The following DROSHA variants were observed in gnomAD, a reference collection of about 807,000 sequenced individuals.
DROSHA encodes ribonuclease 3.
A neutral mutation model predicts 181.9 loss-of-function variants in DROSHA; 56 were observed. The ratio of observed to expected loss-of-function variants is 0.31; its 90% CI spans 0.25 to 0.38. The LOEUF is 0.38. DROSHA is among the 10% of genes least tolerant of loss of function. DROSHA has a pLI of 1.00. For synonymous variants in DROSHA, 524 were observed against 591.2 expected (o/e 0.89, Z 1.65); for missense variants, 1,218 against 1,743.5 (o/e 0.70, Z 5.37).
chr5:31,530,419 A>T (rs1001770571), intron 3 of DROSHA, among the ~76,000 whole-genome samples: 7 of 151,792 alleles, frequency 4.6e-5, no homozygotes, highest in Admixed American at 1.3e-4. Context: ...GGCTCTATTG[A>T]CTCTGGACCC....
intron 27 of DROSHA, among the ~76,000 whole-genome samples, chr5:31,425,236 T>C (rs1743325881): frequency 1.3e-5 from 2 of 152,146 alleles, no homozygotes; most frequent in African/African-American, 2.4e-5. Flanking sequence ...GGAAGAAGTA[T>C]AGGAAAATTT....
At chr5:31,466,079 T>C (rs947896373) in intron 19 of DROSHA, 103 bp downstream of exon 19, 1 of 1,182,392 alleles carries the variant, frequency 8.5e-7, no homozygotes, top group Middle Eastern at 2.0e-4. Context: ...TTTAAAAAAA[T>C]ATTTTTCCAT....
At chr5:31,522,249 C>T (rs1739975405) in intron 5 of DROSHA, among the ~76,000 whole-genome samples, 1 of 152,076 alleles carries the variant, frequency 6.6e-6, no homozygotes, top group African/African-American at 2.4e-5. Flanking sequence ...ATAAAGCAGC[C>T]AGAGATTTGG....
At chr5:31,431,113 A>T (rs1744122788) in intron 26 of DROSHA, among the ~76,000 whole-genome samples, 1 of 152,190 alleles carries the variant, frequency 6.6e-6, no homozygotes, top group Admixed American at 6.5e-5. Context: ...TAACAGTTAT[A>T]CAGACTCAAA....
At chr5:31,453,621 A>G (rs1214684148) in intron 20 of DROSHA, among the ~76,000 whole-genome samples, 1 of 152,210 alleles carries the variant, frequency 6.6e-6, no homozygotes, top group Non-Finnish European at 1.5e-5. Flanking sequence ...ATCTTGTTTT[A>G]GCTAACCTAC....
chr5:31,448,446 T>C, intron 23 of DROSHA, 101 bp downstream of exon 23: 2 of 1,056,806 alleles, frequency 1.9e-6, no homozygotes, highest in Middle Eastern at 2.8e-4. Context: ...CACAATTTTG[T>C]GAACATACTA....
At chr5:31,523,036 G>A (rs1364126099) in intron 5 of DROSHA, among the ~76,000 whole-genome samples, 2 of 152,078 alleles carry the variant, frequency 1.3e-5, no homozygotes, top group African/African-American at 4.8e-5. Context: ...GCAGGGGAGG[G>A]GCAACAAGAA....
intron 34 of DROSHA, 121 bp downstream of exon 34, chr5:31,406,732 C>T (rs1406799315): frequency 4.5e-6 from 4 of 896,732 alleles, no homozygotes; most frequent in Admixed American, 2.5e-5. Flanking sequence ...TTTGCTACTA[C>T]TCTTGAACAT....
intron 26 of DROSHA, among the ~76,000 whole-genome samples, chr5:31,430,300 C>A (rs2150001287): frequency 6.6e-6 from 1 of 152,284 alleles, no homozygotes; most frequent in East Asian, 1.9e-4. Flanking sequence ...TTGGGAAACA[C>A]TTATGTCCTG....
At chr5:31,515,366 C>T (rs769895805) in intron 7 of DROSHA, 88 bp downstream of exon 7, 30 of 1,052,930 alleles carry the variant, frequency 2.8e-5, no homozygotes, top group Non-Finnish European at 4.0e-5. Context: ...CCAGTGACTC[C>T]CAAATACCAG....
intron 11 of DROSHA, among the ~76,000 whole-genome samples, chr5:31,497,174 T>C (rs1753086912): frequency 6.6e-6 from 1 of 152,018 alleles, no homozygotes; most frequent in South Asian, 2.1e-4. Context: ...GTAGAGCACA[T>C]CCCTGGAGAA....
At chr5:31,513,314 C>A (rs916393808) in intron 8 of DROSHA, among the ~76,000 whole-genome samples, 3 of 152,200 alleles carry the variant, frequency 2.0e-5, no homozygotes, top group African/African-American at 7.2e-5. Context: ...CTGAGCCACT[C>A]AGTGAACACC....
intron 35 of DROSHA, among the ~76,000 whole-genome samples, chr5:31,404,854 C>T (rs557014093): frequency 6.6e-6 from 1 of 152,050 alleles, no homozygotes; most frequent in South Asian, 2.1e-4. Flanking sequence ...TAAAATATTG[C>T]ACACCTACAG....
chr5:31,506,873 G>C (rs4867347), intron 10 of DROSHA, among the ~76,000 whole-genome samples: 3 of 152,076 alleles, frequency 2.0e-5, no homozygotes, highest in African/African-American at 4.8e-5. Flanking sequence ...CCTTCACAAG[G>C]CTCAACTATA....
intron 18 of DROSHA, among the ~76,000 whole-genome samples, chr5:31,466,715 T>C (rs1206372250): frequency 6.6e-6 from 1 of 152,174 alleles, no homozygotes; most frequent in Non-Finnish European, 1.5e-5. Context: ...TTATACCAAA[T>C]ATAAGTTGAA....
chr5:31,454,113 G>C (rs562198482), intron 20 of DROSHA, among the ~76,000 whole-genome samples: 34 of 152,270 alleles, frequency 2.2e-4, no homozygotes, highest in African/African-American at 8.2e-4. Context: ...GAGAGGCACA[G>C]GCCCTGATAA....
intron 13 of DROSHA, among the ~76,000 whole-genome samples, chr5:31,490,494 C>T (rs1256658933): frequency 6.6e-6 from 1 of 152,118 alleles, no homozygotes; most frequent in African/African-American, 2.4e-5. Flanking sequence ...TTTAAAACTT[C>T]AGATAAGTTG....
chr5:31,420,436 A>G (rs889842621), intron 30 of DROSHA, among the ~76,000 whole-genome samples: 12 of 152,214 alleles, frequency 7.9e-5, no homozygotes, highest in African/African-American at 2.4e-4. Context: ...GATATTATTG[A>G]TTGGTTTCAC....
In DROSHA at chr5:31,508,605, G is replaced by C. The variant is rs752767090; in HGVS notation, c.1587+16C>G. 6.2e-7 allele frequency: 1 copy of C among 1,613,804 alleles called. No individual in the cohort carries two copies. Among genetic ancestry groups the C allele is most frequent in the Non-Finnish European group, 8.5e-7 (1 of 1,179,804 alleles). On this transcript the variant is annotated intron_variant, in intron 10 of 35. Transcript: ENST00000344624. ...TGGGTTTGCAACCTTCACAGCAAGG[G>C]CATAAAAACACGCACCTGGCCTGGA... is the stretch of plus-strand genomic sequence containing the variant.
Sources: gnomAD v4.1 joint callset for allele counts (sites outside exome capture counted in the v4.1 genomes callset) on GRCh38, gnomAD v4.1.1 for gene constraint, MANE v1.5 for transcripts, NCBI Gene and HGNC (gene_info 2026-07-23, HGNC 2026-07-21) for gene names.